Variants in LZTFL1 observed in about 807,000 individuals in gnomAD.
LZTFL1 encodes leucine zipper transcription factor like 1, also known as leucine zipper transcription factor-like protein 1.
LZTFL1 carries 25 observed loss-of-function variants against 45.9 expected under a neutral mutation model. The observed-to-expected ratio is 0.54, with a 90% CI of 0.40 to 0.76. LZTFL1 has a LOEUF of 0.76. Ranked by LOEUF, LZTFL1 falls within the 30% of genes least tolerant of loss-of-function variation. The pLI is 0.00. For synonymous variants in LZTFL1, 93 were observed against 117.4 expected (o/e 0.79, Z 1.35); for missense variants, 277 against 331.1 (o/e 0.84, Z 1.27).
At chr3:45,855,537 A>G (rs1171644519) in intron 3 of LZTFL1, among the ~76,000 whole-genome samples, 1 of 149,436 alleles carries the variant, frequency 6.7e-6, no homozygotes, top group Non-Finnish European at 1.5e-5. Flanking sequence ...ACCCTTATTC[A>G]ACATAGTATT....
At chr3:45,835,308 G>A in intron 3 of LZTFL1, 1 of 353,482 alleles carries the variant, frequency 2.8e-6, no homozygotes, top group Non-Finnish European at 5.2e-6. Context: ...TACTGACCAA[G>A]CTAACAAAAA....
At chr3:45,828,374 T>C (rs1359264091) in intron 8 of LZTFL1, 65 bp downstream of exon 8, 2 of 1,354,438 alleles carry the variant, frequency 1.5e-6, no homozygotes, top group Non-Finnish European at 2.0e-6. Flanking sequence ...GCCACATGTA[T>C]TCCTCTATAC....
chr3:45,882,458 A>G (rs1161745772), intron 2 of LZTFL1, among the ~76,000 whole-genome samples: 1 of 152,246 alleles, frequency 6.6e-6, no homozygotes, highest in Non-Finnish European at 1.5e-5. Flanking sequence ...CCCAGTATGT[A>G]CAGGAGGCTA....
At chr3:45,912,836 G>A (rs1418152890) in intron 2 of LZTFL1, among the ~76,000 whole-genome samples, 2 of 152,138 alleles carry the variant, frequency 1.3e-5, no homozygotes, top group Non-Finnish European at 2.9e-5. Context: ...AATCTTCAGT[G>A]ATTTAAGCCA....
Position 45,849,412 on chromosome 3 carries a change from A to G in LZTFL1, c.-49+5574T>C, listed in dbSNP as rs550174799. Among the ~76,000 whole-genome samples, 18 of 152,340 alleles carry G rather than the reference A, an allele frequency of 1.2e-4. No homozygotes were observed. The South Asian group carries it at 3.5e-3, about 30-fold the overall frequency. ...TGAGCTTTTACTTTTAGAAGTCAAT[A>G]TTGCCAAAATGTCACTGCTTTGCTA... On this transcript the variant is annotated intron_variant, in intron 4 of 4. Transcript: ENST00000472635.
intron 1 of LZTFL1, chr3:45,913,264 T>C: frequency 9.8e-7 from 1 of 1,025,306 alleles, no homozygotes; most frequent in Non-Finnish European, 1.4e-6. Context: ...GATCTTTCTC[T>C]TGTTTTTCAT....
chr3:45,831,151 AT>A lies in LZTFL1; in HGVS notation c.457-14del. The stretch of plus-strand genomic sequence containing the variant: ...GTCTTAAAATTTCCTTTGTGAGTAA[AT>A]TCAAATTTTATTATATTAACCAAAA... On this transcript the variant is annotated splice_polypyrimidine_tract_variant and intron_variant, in intron 5 of 9. Transcript: ENST00000296135. 6.7e-7 allele frequency: 1 copy of A among 1,491,054 alleles called. No homozygotes were observed. The highest frequency in any genetic ancestry group is 9.1e-7 in the Non-Finnish European group (1 of 1,097,442). The allele number at this position is 1,491,054 out of a possible 1,614,324, so 92.4% of individuals were successfully genotyped here.
chr3:45,831,999 GC>G (rs1700834464), intron 5 of LZTFL1, among the ~76,000 whole-genome samples: 1 of 152,148 alleles, frequency 6.6e-6, no homozygotes, highest in Non-Finnish European at 1.5e-5. Context: ...ACTTTGGAAG[GC>G]CGAGGCGGGC....
intron 2 of LZTFL1, among the ~76,000 whole-genome samples, chr3:45,893,699 C>T (rs1702262250): frequency 6.6e-6 from 1 of 152,214 alleles, no homozygotes; most frequent in Admixed American, 6.5e-5. Context: ...ACTTGATGGA[C>T]ATTTAGGCTG....
chr3:45,910,772 C>T (rs1242159327), intron 2 of LZTFL1, among the ~76,000 whole-genome samples: 3 of 152,134 alleles, frequency 2.0e-5, no homozygotes, highest in Admixed American at 2.0e-4. Context: ...CAGCTGTGTC[C>T]TGGTAACTGT....
intron 4 of LZTFL1, among the ~76,000 whole-genome samples, chr3:45,853,318 A>G (rs1385294509): frequency 6.6e-6 from 1 of 152,232 alleles, no homozygotes; most frequent in Non-Finnish European, 1.5e-5. Context: ...ATGTAGGAAT[A>G]TTATGAACAT....
chr3:45,895,043 G>A, intron 2 of LZTFL1: 2 of 1,319,856 alleles, frequency 1.5e-6, no homozygotes, highest in East Asian at 2.3e-5. Flanking sequence ...TGTGGGGGAA[G>A]GATTTATCTG....
chr3:45,843,013 A>G (rs1264655738), upstream of LZTFL1, among the ~76,000 whole-genome samples: 1 of 152,234 alleles, frequency 6.6e-6, no homozygotes, highest in Non-Finnish European at 1.5e-5. Context: ...TTGGGTCAAG[A>G]ACAGTAAACA....
At chr3:45,871,827 C>T (rs539126222) in intron 2 of LZTFL1, among the ~76,000 whole-genome samples, 1 of 152,330 alleles carries the variant, frequency 6.6e-6, no homozygotes, top group South Asian at 2.1e-4. Context: ...TTGCAACCAG[C>T]ATCTGAAATC....
chr3:45,890,022 C>G (rs1702098799), intron 2 of LZTFL1, among the ~76,000 whole-genome samples: 1 of 151,022 alleles, frequency 6.6e-6, no homozygotes, highest in Non-Finnish European at 1.5e-5. Context: ...CCAAAAAGAT[C>G]ACATAAATTT....
intron 2 of LZTFL1, chr3:45,902,023 A>G: frequency 3.7e-6 from 3 of 804,442 alleles, no homozygotes; most frequent in Admixed American, 3.0e-5. Flanking sequence ...AATCTGAACT[A>G]TATGATTACT....
intron 2 of LZTFL1, among the ~76,000 whole-genome samples, chr3:45,873,629 T>G (rs1228425715): frequency 6.6e-6 from 1 of 152,310 alleles, no homozygotes; most frequent in East Asian, 1.9e-4. Flanking sequence ...TTGCTCATAA[T>G]AATTCTGTTT....
chr3:45,832,909 G>A (rs998022123), intron 5 of LZTFL1, 141 bp downstream of exon 5: 17 of 622,916 alleles, frequency 2.7e-5, no homozygotes, highest in African/African-American at 2.6e-4. Context: ...TCTGGCCCAT[G>A]GGGTACCATC....
At chr3:45,836,723 G>A (rs975436706) in intron 2 of LZTFL1, among the ~76,000 whole-genome samples, 3 of 152,156 alleles carry the variant, frequency 2.0e-5, no homozygotes, top group Non-Finnish European at 4.4e-5. Flanking sequence ...GAACTTTGGT[G>A]CCATCTTCTA....
Sources: allele counts gnomAD v4.1 joint callset (sites outside exome capture counted in the v4.1 genomes callset), GRCh38; gene constraint gnomAD v4.1.1; transcripts MANE v1.5; gene names NCBI Gene and HGNC (gene_info 2026-07-23, HGNC 2026-07-21).